Variants in RDX observed in about 807,000 individuals in gnomAD.
RDX encodes the protein deafness, autosomal recessive 24.
Under a neutral mutation model 83.7 loss-of-function variants are expected in RDX, and 32 were observed. The observed-to-expected ratio is 0.38, with a 90% CI of 0.29 to 0.51. The LOEUF (loss-of-function observed/expected upper bound fraction) is 0.51, where lower values mean the gene tolerates loss of function less well. RDX is among the 20% of genes least tolerant of loss of function. The pLI is 0.87. For missense variants in RDX, 600 were observed against 689.9 expected (o/e 0.87, Z 1.46); for synonymous variants, 229 against 222.7 (o/e 1.03, Z -0.25).
At chr11:110,257,992 A>C (rs1859614440) in intron 6 of RDX, 79 bp from the exon 7 acceptor site, 2 of 1,487,600 alleles carry the variant, frequency 1.3e-6, no homozygotes, top group Non-Finnish European at 1.9e-6. Flanking sequence ...GGAATTAAAA[A>C]TTAGTACTTT....
At chr11:110,227,776 A>G (rs975072180), downstream of RDX, among the ~76,000 whole-genome samples, 1 of 152,122 alleles carries the variant, frequency 6.6e-6, no homozygotes, top group African/African-American at 2.4e-5. Flanking sequence ...AAGAACCCGG[A>G]GCCATCAAGT....
intron 14 of RDX, among the ~76,000 whole-genome samples, chr11:110,209,647 G>C (rs984989428): frequency 3.2e-4 from 47 of 146,990 alleles, no homozygotes; most frequent in East Asian, 1.9e-3. Flanking sequence ...ATCTGAGAAC[G>C]GGCAGACTGC....
At chr11:110,292,222 G>A (rs975963288) in intron 1 of RDX, among the ~76,000 whole-genome samples, 1 of 151,994 alleles carries the variant, frequency 6.6e-6, no homozygotes, top group South Asian at 2.1e-4. Context: ...GAACCCTGGA[G>A]GCAGAGGCTG....
Position 110,274,732 on chromosome 11 carries a change from T to C in RDX, c.13-2113A>G, listed in dbSNP as rs117739592. ...TACTAGTTTAATTTTTCACCATATG[T>C]TTCTAAGATTCATTGATGTTTTTGT... On this transcript the variant is annotated intron_variant, in intron 2 of 13. Transcript: ENST00000645495. 4.9e-3 allele frequency among the ~76,000 whole-genome samples: 740 copies of C among 152,330 alleles called. 4 individuals carry two copies. Among genetic ancestry groups the C allele is most frequent in the Non-Finnish European group, 8.6e-3 (584 of 68,026 alleles).
At chr11:110,263,869 A>AG in intron 5 of RDX, 91 bp downstream of exon 5, 1 of 349,664 alleles carries the variant, frequency 2.9e-6, no homozygotes. Flanking sequence ...CCCTGTCTCC[A>AG]AAAAAAAAAA....
chr11:110,176,348 G>A (rs1862774065), intron 15 of RDX, among the ~76,000 whole-genome samples: 1 of 152,160 alleles, frequency 6.6e-6, no homozygotes, highest in East Asian at 1.9e-4. Context: ...ACAGGCATGA[G>A]CCACCTTGTC....
At chr11:110,277,149 T>A (rs1466651702) in intron 2 of RDX, among the ~76,000 whole-genome samples, 1 of 152,182 alleles carries the variant, frequency 6.6e-6, no homozygotes, top group East Asian at 1.9e-4. Context: ...TCCAACTGCA[T>A]ATAATTTTGA....
At chr11:110,201,902 T>TG (rs1383965433) in intron 14 of RDX, among the ~76,000 whole-genome samples, 9 of 122,946 alleles carry the variant, frequency 7.3e-5, no homozygotes, top group East Asian at 2.6e-4. Flanking sequence ...TCCGGCTAAT[T>TG]TTGTGTGTGT....
intron 3 of RDX, among the ~76,000 whole-genome samples, chr11:110,265,877 T>A (rs1474568602): frequency 6.6e-6 from 1 of 152,184 alleles, no homozygotes; most frequent in Non-Finnish European, 1.5e-5. Context: ...TATCCTGCTA[T>A]TAGAAAATTT....
intron 1 of RDX, among the ~76,000 whole-genome samples, chr11:110,282,546 C>A (rs1172763062): frequency 1.3e-5 from 2 of 152,014 alleles, no homozygotes; most frequent in Non-Finnish European, 2.9e-5. Context: ...ATATGTAAAA[C>A]TGAGAGTTTA....
At chr11:110,244,084 T>C (rs1458439117) in intron 10 of RDX, among the ~76,000 whole-genome samples, 1 of 151,996 alleles carries the variant, frequency 6.6e-6, no homozygotes, top group Non-Finnish European at 1.5e-5. Context: ...GTCACCTTAG[T>C]CAAATAGTGG....
rs1431070141 is a variant in RDX at position 110,257,828 on chromosome 11, CTTTTTTA to C, written c.630_636del (p.Asn210LysfsTer7). On this transcript the variant is annotated frameshift_variant, in exon 7 of 14. Coordinates refer to ENST00000645495, the MANE Select transcript of RDX (RefSeq NM_002906.4). LOFTEE classifies it high-confidence loss of function. ...TCAACACCTAGCCACAATTCAGTTCCTTTTTTATTTTTTATTTCAAAATAGTTGACTC... is the reference window on the plus strand; with the variant it reads ...TCAACACCTAGCCACAATTCAGTTCCTTTTTTATTTCAAAATAGTTGACTC... 4 of 1,612,622 alleles carry C rather than the reference CTTTTTTA, an allele frequency of 2.5e-6. No homozygotes were observed. The highest frequency in any genetic ancestry group is 2.7e-5 in the African/African-American group (2 of 74,862).
intron 15 of RDX, among the ~76,000 whole-genome samples, chr11:110,197,978 A>G (rs1863261055): frequency 6.6e-6 from 1 of 152,230 alleles, no homozygotes; most frequent in Admixed American, 6.5e-5. Flanking sequence ...GCACGACCTT[A>G]AACTCATTTC....
At chr11:110,238,588 T>C (rs556346019) in intron 10 of RDX, among the ~76,000 whole-genome samples, 21 of 152,318 alleles carry the variant, frequency 1.4e-4, no homozygotes, top group African/African-American at 5.1e-4. Flanking sequence ...CTTAATTTTC[T>C]TGGTCTTGAT....
At chr11:110,220,362 T>C (rs1284447812) in intron 14 of RDX, among the ~76,000 whole-genome samples, 1 of 152,178 alleles carries the variant, frequency 6.6e-6, no homozygotes, top group Non-Finnish European at 1.5e-5. Flanking sequence ...ATTAATAGTG[T>C]TACTTCTGTT....
chr11:110,216,600 A>G (rs1864063773), intron 14 of RDX, among the ~76,000 whole-genome samples: 1 of 148,238 alleles, frequency 6.7e-6, no homozygotes, highest in Non-Finnish European at 1.5e-5. Context: ...CTGGTCTCAC[A>G]TTCCTGGCGT....
At chr11:110,270,404 T>C (rs1260426064) in intron 3 of RDX, among the ~76,000 whole-genome samples, 3 of 152,192 alleles carry the variant, frequency 2.0e-5, no homozygotes, top group Non-Finnish European at 2.9e-5. Context: ...AGTAAAAATA[T>C]GGTATTACAC....
chr11:110,217,751 G>C (rs1219873377), intron 14 of RDX, among the ~76,000 whole-genome samples: 1 of 152,130 alleles, frequency 6.6e-6, no homozygotes, highest in African/African-American at 2.4e-5. Flanking sequence ...GCAAGGGGTA[G>C]GGAGATGGTA....
rs149709734 is a variant in RDX at position 110,268,238 on chromosome 11, C to T, written c.97-3364G>A. On this transcript the variant is annotated intron_variant, in intron 3 of 13. Transcript: ENST00000645495. ...CGGAGAACTGCTTGAACCCGGGAGG[C>T]GGAGGTTGCACTGCATTGAGCTATC... Among the ~76,000 whole-genome samples the T allele has an allele frequency of 2.6e-3, 380 of 147,380 alleles. 2 individuals carry two copies. The highest frequency in any genetic ancestry group is 9.2e-3 in the African/African-American group (365 of 39,680).
Sources: gnomAD v4.1 joint callset for allele counts (sites outside exome capture counted in the v4.1 genomes callset) on GRCh38, gnomAD v4.1.1 for gene constraint, MANE v1.5 for transcripts, NCBI Gene and HGNC (gene_info 2026-07-23, HGNC 2026-07-21) for gene names.